NOTCH4: variants seen among roughly 807,000 people sequenced by gnomAD.
The protein encoded by NOTCH4 is notch receptor 4.
NOTCH4 carries 138 observed loss-of-function variants against 189.0 expected under a neutral mutation model. The observed-to-expected ratio is 0.73, with a 90% CI of 0.64 to 0.84. The LOEUF is 0.84. NOTCH4 is among the 40% of genes least tolerant of loss of function. The pLI is 0.00. For synonymous variants in NOTCH4, 942 were observed against 1,032.8 expected, an observed-to-expected ratio of 0.91 and a Z score of 1.69; for missense variants, 2,286 against 2,605.4, an observed-to-expected ratio of 0.88 and a Z score of 2.67.
intron 18 of NOTCH4, 145 bp from the exon 19 acceptor site, chr6:32,204,534 C>T: frequency 1.1e-6 from 1 of 882,988 alleles, no homozygotes; most frequent in South Asian, 1.8e-5. Flanking sequence ...GGCCATGTGT[C>T]ACAATCCTTC....
At chr6:32,215,439 G>A (rs1487079868) in intron 11 of NOTCH4, 54 bp from the exon 12 acceptor site, 1 of 1,517,508 alleles carries the variant, frequency 6.6e-7, no homozygotes, top group Non-Finnish European at 8.9e-7. Context: ...TCCTTCATTG[G>A]GCCAAAGCCA....
Position 32,198,863 on chromosome 6 carries a change from G to T in NOTCH4, c.4535+63C>A. 2.0e-6 allele frequency: 3 copies of T among 1,469,772 alleles called. No homozygotes were observed. Among genetic ancestry groups the T allele is most frequent in the Non-Finnish European group, 2.8e-6 (3 of 1,088,598 alleles). The allele number at this position is 1,469,772 out of a possible 1,614,324, so 91.0% of individuals were successfully genotyped here. On this transcript the variant is annotated intron_variant, in intron 24 of 29. Coordinates refer to ENST00000375023, the MANE Select transcript of NOTCH4 (RefSeq NM_004557.4). This position sits in a 1 kb window ranked among gnomAD's most constrained non-coding sequence, Gnocchi z 5.5. Reference sequence around the variant, plus strand: ...TGCAATAGTATTTCTTATCTTTTCTGATTGTAAATATCGCCATAGGAGAGA... The same window carrying T: ...TGCAATAGTATTTCTTATCTTTTCTTATTGTAAATATCGCCATAGGAGAGA...
In NOTCH4 at chr6:32,217,414, T is replaced by G; in HGVS notation, c.1625-148A>C. 1.6e-6 allele frequency: 1 copy of G among 619,580 alleles called. No individual in the cohort carries two copies. The highest frequency in any genetic ancestry group is 1.9e-5 in the South Asian group (1 of 51,722). The allele number at this position is 619,580 out of a possible 1,614,324, so 38.4% of individuals were successfully genotyped here. ...GTGAGCGTGGGGTGACAGGAGATGA[T>G]GCAGAAAAGGTGAAGCTCAGCCACC... On this transcript the variant is annotated intron_variant, in intron 9 of 29. Coordinates refer to ENST00000375023, the MANE Select transcript of NOTCH4 (RefSeq NM_004557.4). This position sits in a 1 kb window ranked among gnomAD's most constrained non-coding sequence, Gnocchi z 4.2.
intron 18 of NOTCH4, among the ~76,000 whole-genome samples, chr6:32,207,918 C>G (rs1016870325): frequency 6.6e-6 from 1 of 150,484 alleles, no homozygotes; most frequent in South Asian, 2.1e-4. Context: ...GCAGGAGAAT[C>G]GCTTGAACCC....
At position 32,218,053 on chromosome 6, in the gene NOTCH4, G is replaced by A. The variant is rs1789524665; in HGVS notation, c.1566C>T (p.Cys522=). 4.3e-6 allele frequency: 7 copies of A among 1,614,012 alleles called. No individual in the cohort carries two copies. The highest frequency in any genetic ancestry group is 2.2e-5 in the East Asian group (1 of 44,870). ...VETNECASAP[C]LNHADCHDLL... ...GGTCATGGCAATCCGCGTGGTTCAG[G>A]CAGGGAGCTGAGGCACACTCGTTGG... The change falls in exon 9 of 30, where the codon TGC becomes TGT. Residue 522 remains cysteine, a synonymous_variant. Transcript: ENST00000375023.
In NOTCH4 at chr6:32,198,372, G is replaced by T; in HGVS notation, c.4756+49C>A. 1 of 1,555,558 alleles carries T rather than the reference G, an allele frequency of 6.4e-7. No homozygotes were observed. ...ATTAAAGGACTCTCTGATTCTAATAGGGTCAAAGGACTTTTTTTTTTTTTC... is the reference window on the plus strand; with the variant it reads ...ATTAAAGGACTCTCTGATTCTAATATGGTCAAAGGACTTTTTTTTTTTTTC... On this transcript the variant is annotated intron_variant, in intron 26 of 29. Transcript: ENST00000375023. This position sits in a 1 kb window ranked among gnomAD's most constrained non-coding sequence, Gnocchi z 5.5.
chr6:32,199,146 C>A lies in NOTCH4; in HGVS notation c.4316-1G>T. The A allele has an allele frequency of 6.3e-7, 1 of 1,578,938 alleles. No individual in the cohort carries two copies. Among genetic ancestry groups the A allele is most frequent in the Non-Finnish European group, 8.6e-7 (1 of 1,163,846 alleles). ...CAGGGAAGCTGGTTGGCAGGGGGTG[C>A]TGGTGGGAGAGACAGAGTCACAAAG... is the stretch of plus-strand genomic sequence containing the variant. On this transcript the variant is annotated splice_acceptor_variant, in intron 23 of 29. Coordinates refer to ENST00000375023, the MANE Select transcript of NOTCH4 (RefSeq NM_004557.4). LOFTEE classifies it high-confidence loss of function. This position sits in a 1 kb window ranked among gnomAD's most constrained non-coding sequence, Gnocchi z 4.9.
At chr6:32,207,228 C>G (rs1788736283) in intron 18 of NOTCH4, among the ~76,000 whole-genome samples, 1 of 151,970 alleles carries the variant, frequency 6.6e-6, no homozygotes, top group Non-Finnish European at 1.5e-5. Flanking sequence ...CACTCCCGGC[C>G]AGCCAACTTA....
At position 32,210,570 on chromosome 6, in the gene NOTCH4, G is replaced by C. The variant is rs1788947152; in HGVS notation, c.2865+182C>G. 6.6e-6 allele frequency among the ~76,000 whole-genome samples: 1 copy of C among 152,194 alleles called. No individual in the cohort carries two copies. The highest frequency in any genetic ancestry group is 6.5e-5 in the Admixed American group (1 of 15,280). ...AGTGGGACAAAGGGTGAAGGTGAAAGCACAGACTTGAGAAAACTTCAGGAG... is the reference window on the plus strand; with the variant it reads ...AGTGGGACAAAGGGTGAAGGTGAAACCACAGACTTGAGAAAACTTCAGGAG... On this transcript the variant is annotated intron_variant, in intron 18 of 29. Coordinates refer to ENST00000375023, the MANE Select transcript of NOTCH4 (RefSeq NM_004557.4). This position sits in a 1 kb window ranked among gnomAD's most constrained non-coding sequence, Gnocchi z 4.8.
In NOTCH4 at chr6:32,221,045, C is replaced by T. The variant is rs140295084; in HGVS notation, c.732G>A (p.Ser244=). The T allele has an allele frequency of 5.8e-5, 94 of 1,611,168 alleles. No homozygotes were observed. Among genetic ancestry groups the T allele is most frequent in the Admixed American group, 3.8e-4 (23 of 59,854 alleles). ...RAGPCPPRGC[S]NGGTCQLMPE... ...GCATCAGCTGGCAGGTGCCCCCATT[C>T]GAACAGCCCCTAGGAGGGCAGGGTC... The change falls in exon 4 of 30, where the codon TCG becomes TCA. Residue 244 remains serine, a synonymous_variant. Coordinates refer to ENST00000375023, the MANE Select transcript of NOTCH4 (RefSeq NM_004557.4). This position sits in a 1 kb window ranked among gnomAD's most constrained non-coding sequence, Gnocchi z 4.3.
rs2127490884 is a variant in NOTCH4, at chr6:32,222,655, A to C, written c.307T>G (p.Cys103Gly). The C allele has an allele frequency of 6.2e-7, 1 of 1,607,178 alleles. No individual in the cohort carries two copies. The highest frequency in any genetic ancestry group is 8.5e-7 in the Non-Finnish European group (1 of 1,177,914). ...CCAGTGAAGCCAGGGAGGCAAGTGCACAAGAAGCTGGGTGTCAATGGAGAG... is the reference window on the plus strand; with the variant it reads ...CCAGTGAAGCCAGGGAGGCAAGTGCCCAAGAAGCTGGGTGTCAATGGAGAG... ...SPSPLTPSFL[C>G]TCLPGFTGER... The change falls in exon 3 of 30, where the codon TGC (cysteine) becomes GGC (glycine). Residue 103 changes from cysteine to glycine, a missense_variant. Physicochemically the swap from Cys to Gly is radical, Grantham distance 159 (BLOSUM62 -3). This residue lies in a region of NOTCH4 where 1,903 missense variants were observed against 2,261.9 expected (regional missense o/e 0.84). Coordinates refer to ENST00000375023, the MANE Select transcript of NOTCH4 (RefSeq NM_004557.4).
In NOTCH4 at chr6:32,212,596, C is replaced by G. The variant is rs1789093489; in HGVS notation, c.2558G>C (p.Cys853Ser). ...CTGGAGGCAGTGGGAATTGCGTGGGCAGGGCTTCTGGGCACATAAGTCCAT... is the reference window on the plus strand; with the variant it reads ...CTGGAGGCAGTGGGAATTGCGTGGGGAGGGCTTCTGGGCACATAAGTCCAT... ...TLMDLCAQKP[C>S]PRNSHCLQTG... Residue 853 changes from cysteine to serine, a missense_variant, in exon 17 of 30, where the codon TGC becomes TCC. By Grantham distance (112) the Cys-to-Ser change is moderately radical. Around this residue, in one of 2 missense-constraint regions of NOTCH4, gnomAD observed 1,903 missense variants for 2,261.9 expected, o/e 0.84. Coordinates refer to ENST00000375023, the MANE Select transcript of NOTCH4 (RefSeq NM_004557.4). This position sits in a 1 kb window ranked among gnomAD's most constrained non-coding sequence, Gnocchi z 4.4. The G allele has an allele frequency of 6.2e-7, 1 of 1,612,628 alleles. No individual in the cohort carries two copies. Among genetic ancestry groups the G allele is most frequent in the South Asian group, 1.1e-5 (1 of 91,024 alleles).
At chr6:32,203,930 C>T (rs1477135697) in intron 19 of NOTCH4, 48 bp from the exon 20 acceptor site, 1 of 1,503,346 alleles carries the variant, frequency 6.7e-7, no homozygotes, top group Non-Finnish European at 9.1e-7. Flanking sequence ...TCAGTCACTG[C>T]CTCCATCCTA....
chr6:32,196,811 C>T (rs1787969062), intron 28 of NOTCH4, 114 bp downstream of exon 28: 7 of 1,363,400 alleles, frequency 5.1e-6, no homozygotes, highest in Middle Eastern at 1.8e-4. Context: ...GATTGACCGC[C>T]GTAACAGCAG....
chr6:32,214,166 C>T lies in NOTCH4; in HGVS notation c.2111G>A (p.Gly704Glu). The change falls in exon 13 of 30, where the codon GGG (glycine) becomes GAG (glutamate). Residue 704 changes from glycine (G) to glutamate (E), a missense_variant. Physicochemically the swap from Gly to Glu is moderately conservative, Grantham distance 98 (BLOSUM62 -2). Around this residue, in one of 2 missense-constraint regions of NOTCH4, gnomAD observed 1,903 missense variants for 2,261.9 expected, o/e 0.84. Coordinates refer to ENST00000375023, the MANE Select transcript of NOTCH4 (RefSeq NM_004557.4). The part of the protein sequence containing the change: ...GCISAPCAHG[G>E]TCYPQPSGYN... ...GCCAGAGGGCTGGGGGTAGCAGGTC[C>T]CCCCATGGGCACAGGGTGCAGAGAT... is the stretch of plus-strand genomic sequence containing the variant. 1.2e-6 allele frequency: 2 copies of T among 1,613,500 alleles called. No individual in the cohort carries two copies. The highest frequency in any genetic ancestry group is 1.7e-6 in the Non-Finnish European group (2 of 1,179,800).
rs560379944 is a variant in NOTCH4, at chr6:32,198,894, C to G, written c.4535+32G>C. 2.0e-6 allele frequency: 3 copies of G among 1,517,176 alleles called. No homozygotes were observed. In the South Asian group the frequency reaches 3.9e-5, roughly 20 times the overall value. 94.0% of individuals were successfully genotyped at this position (1,517,176 alleles called of 1,614,324 possible). ...AAATATCGCCATAGGAGAGACTCCC[C>G]TTCCTGAGCCTGGGTTTCTCCTCAT... On this transcript the variant is annotated intron_variant, in intron 24 of 29. Transcript: ENST00000375023. The surrounding 1 kb of genome is among the most constrained non-coding windows in gnomAD (Gnocchi z 5.5).
Position 32,220,296 on chromosome 6 carries a change from A to AG in NOTCH4, c.1160-13dup. 6.2e-7 allele frequency: 1 copy of AG among 1,610,858 alleles called. No homozygotes were observed. Among genetic ancestry groups the AG allele is most frequent in the Non-Finnish European group, 8.5e-7 (1 of 1,177,758 alleles). On this transcript the variant is annotated splice_polypyrimidine_tract_variant and intron_variant, in intron 6 of 29. Coordinates refer to ENST00000375023, the MANE Select transcript of NOTCH4 (RefSeq NM_004557.4). ...GTGGCACAGGAGTCCTGGAGGGGTA[A>AG]GAGGGGGTGAGGCTCTCAAAGGCCA...
chr6:32,195,612 G>C lies in NOTCH4; in HGVS notation c.5837C>G (p.Thr1946Arg). The C allele has an allele frequency of 6.2e-7, 1 of 1,613,078 alleles. No homozygotes were observed. Among genetic ancestry groups the C allele is most frequent in the East Asian group, 2.2e-5 (1 of 44,886 alleles). ...VAAGRGGRVS[T>R]DDWPCDWVAL... The stretch of plus-strand genomic sequence containing the variant: ...CACCCAATCACAGGGCCAGTCATCC[G>C]TTGAGACCCTGCCTCCGCGCCCGGC... The change falls in exon 30 of 30, where the codon ACG becomes AGG. Residue 1946 changes from threonine (T) to arginine (R), a missense_variant. Physicochemically the swap from Thr to Arg is moderately conservative, Grantham distance 71. This residue lies in a region of NOTCH4 where 383 missense variants were observed against 343.5 expected (regional missense o/e 1.11). Transcript: ENST00000375023. The surrounding 1 kb of genome is among the most constrained non-coding windows in gnomAD (Gnocchi z 5.4).
At position 32,212,544 on chromosome 6, in the gene NOTCH4, G is replaced by T. The variant is rs769859917; in HGVS notation, c.2610C>A (p.Cys870Ter). The T allele has an allele frequency of 6.2e-7, 1 of 1,613,084 alleles. No homozygotes were observed. ...LQTGPSFHCL[C>*]LQGWTGPLCN... ...AGAGAGGCCCGGTCCATCCCTGGAG[G>T]CACAAGCAGTGGAAGGAGGGCCCAG... The change falls in exon 17 of 30, where the codon TGC (cysteine) becomes TGA (stop). Residue 870 changes from cysteine to a stop codon, truncating the protein, a stop_gained. Transcript: ENST00000375023. LOFTEE classifies it high-confidence loss of function. The surrounding 1 kb of genome is among the most constrained non-coding windows in gnomAD (Gnocchi z 4.4).
Sources: gnomAD v4.1 joint callset for allele counts (sites outside exome capture counted in the v4.1 genomes callset) on GRCh38, gnomAD v4.1.1 for gene constraint, gnomAD v4.1.1 regional missense constraint, Gnocchi (gnomAD v3.1) non-coding constraint, MANE v1.5 for transcripts, NCBI Gene and HGNC (gene_info 2026-07-23, HGNC 2026-07-21) for gene names.